The following KIF3C variants were observed in gnomAD, a reference collection of about 807,000 sequenced individuals.
The protein encoded by KIF3C is kinesin-like protein KIF3C.
KIF3C carries 12 observed loss-of-function variants against 67.7 expected under a neutral mutation model. The ratio of observed to expected loss-of-function variants is 0.18; its 90% confidence interval spans 0.11 to 0.29. The LOEUF (loss-of-function observed/expected upper bound fraction) is 0.29, where lower values mean the gene tolerates loss of function less well. Among genes scored for constraint, KIF3C ranks in the 10% least tolerant of loss-of-function variants. The probability of loss-of-function intolerance (pLI) is 1.00; values close to 1 mark genes in which losing one functional copy is unlikely to be tolerated. For synonymous variants in KIF3C, 393 were observed against 426.2 expected, an observed-to-expected ratio of 0.92 and a Z score of 0.96; for missense variants, 789 against 1,059.6, an observed-to-expected ratio of 0.74 and a Z score of 3.55.
At chr2:25,974,650 C>T (rs1217470077) in intron 1 of KIF3C, among the ~76,000 whole-genome samples, 6 of 152,142 alleles carry the variant, frequency 3.9e-5, no homozygotes, top group Non-Finnish European at 8.8e-5. Context: ...GAACATAGCA[C>T]TTCATATAAT....
rs138077647 is a variant in KIF3C, at chr2:25,981,232, C to T, written c.686G>A (p.Arg229His). 5.9e-5 allele frequency: 95 copies of T among 1,614,172 alleles called. No homozygotes were observed. The highest frequency in any genetic ancestry group is 1.3e-4 in the Admixed American group (8 of 60,024). Reference sequence around the variant, plus strand: ...GATGTGGTCCTGGCCATCAGAGCCACGTTCGCTGCACTCCACAGTGATGAT... The same window carrying T: ...GATGTGGTCCTGGCCATCAGAGCCATGTTCGCTGCACTCCACAGTGATGAT... ...IFIITVECSE[R>H]GSDGQDHIRV... is the part of the protein sequence containing the mutation. Residue 229 changes from arginine (R) to histidine (H), a missense_variant, in exon 1 of 8, where the codon CGT (arginine) becomes CAT (histidine). Around this residue, in one of 2 missense-constraint regions of KIF3C, gnomAD observed 648 missense variants for 807.8 expected, o/e 0.80. Coordinates refer to ENST00000264712, the MANE Select transcript of KIF3C (RefSeq NM_002254.8). The surrounding 1 kb of genome is among the most constrained non-coding windows in gnomAD (Gnocchi z 8.2).
chr2:25,932,761 A>G (rs1420725888), intron 5 of KIF3C, among the ~76,000 whole-genome samples: 1 of 151,834 alleles, frequency 6.6e-6, no homozygotes, highest in Non-Finnish European at 1.5e-5. Flanking sequence ...TGAACCCGGG[A>G]GGCAGAGGTT....
intron 4 of KIF3C, among the ~76,000 whole-genome samples, chr2:25,952,898 T>C (rs1400392612): frequency 6.6e-6 from 1 of 152,090 alleles, no homozygotes; most frequent in African/African-American, 2.4e-5. Flanking sequence ...TTATTGTAAC[T>C]TGAAGGATAA....
At position 25,951,760 on chromosome 2, in the gene KIF3C, C is replaced by T. The variant is rs201937965; in HGVS notation, c.2006+29G>A. ...ACCTGGAGTGGACCCACAAGTCCCC[C>T]AGCCCAGACAGCTGGGTTAGAGACT... On this transcript the variant is annotated intron_variant, in intron 5 of 7. Transcript: ENST00000264712. 1,622 of 1,521,562 alleles carry T rather than the reference C, an allele frequency of 1.1e-3. 6 individuals are homozygous for T. The African/African-American group carries it at 0.018, about 17-fold the overall frequency. 94.3% of individuals were successfully genotyped at this position (1,521,562 alleles called of 1,614,324 possible).
chr2:25,976,326 T>A (rs12105086), intron 1 of KIF3C, among the ~76,000 whole-genome samples: 20,118 of 152,106 alleles, frequency 0.13, 1,840 homozygotes, highest in African/African-American at 0.25. Flanking sequence ...CTCCAGACCT[T>A]CTTATTGGGG....
intron 1 of KIF3C, among the ~76,000 whole-genome samples, chr2:25,962,966 T>A (rs13017151): frequency 4.1e-3 from 109 of 26,808 alleles, no homozygotes; most frequent in South Asian, 9.8e-3. Context: ...ATAATATATA[T>A]AATATATAAT....
At chr2:25,945,727 G>A (rs1663415559) in intron 5 of KIF3C, among the ~76,000 whole-genome samples, 1 of 151,796 alleles carries the variant, frequency 6.6e-6, no homozygotes, top group African/African-American at 2.4e-5. Flanking sequence ...CATGGTGCCA[G>A]TGCACCGCAG....
chr2:25,962,626 C>G (rs1663976689), intron 1 of KIF3C, among the ~76,000 whole-genome samples: 2 of 148,532 alleles, frequency 1.3e-5, no homozygotes, highest in South Asian at 4.2e-4. Flanking sequence ...ATCCACCCAC[C>G]TCAGCCTCCC....
In KIF3C at chr2:25,982,450, T is replaced by C; in HGVS notation, c.-533A>G. On this transcript the variant is annotated 5_prime_UTR_variant, in exon 1 of 8. Coordinates refer to ENST00000264712, the MANE Select transcript of KIF3C (RefSeq NM_002254.8). ...CAGCCAGCGCGGCTGCTGCTGCCTC[T>C]GCCTCCGCCTTCCCCGCCGCCGCCA... is the stretch of plus-strand genomic sequence containing the variant. The C allele has an allele frequency of 2.5e-6, 1 of 398,642 alleles. No individual in the cohort carries two copies. Among genetic ancestry groups the C allele is most frequent in the Non-Finnish European group, 4.4e-6 (1 of 226,124 alleles). The allele number at this position is 398,642 out of a possible 1,614,324, so 24.7% of individuals were successfully genotyped here.
At chr2:25,962,788 A>C (rs1010589620) in intron 1 of KIF3C, among the ~76,000 whole-genome samples, 1 of 84,128 alleles carries the variant, frequency 1.2e-5, no homozygotes, top group Admixed American at 1.9e-4. Context: ...TTATATATAT[A>C]ATATATATTA....
At chr2:25,972,255 C>T (rs1007534898) in intron 1 of KIF3C, among the ~76,000 whole-genome samples, 1 of 152,108 alleles carries the variant, frequency 6.6e-6, no homozygotes, top group African/African-American at 2.4e-5. Flanking sequence ...TGATAATACC[C>T]TCCTCCAGCC....
chr2:25,962,947 ATATAATATATAAT>A (rs1464595136), intron 1 of KIF3C, among the ~76,000 whole-genome samples: 5,415 of 44,146 alleles, frequency 0.12, 735 homozygotes, highest in African/African-American at 0.24. Flanking sequence ...AATATATAAT[ATATAATATATAAT>A]ATATATAATA....
intron 5 of KIF3C, among the ~76,000 whole-genome samples, chr2:25,944,133 T>C (rs1038505444): frequency 3.3e-5 from 5 of 151,962 alleles, no homozygotes; most frequent in Non-Finnish European, 7.4e-5. Flanking sequence ...CTGCAACTTC[T>C]GTCTCCCAGG....
intron 5 of KIF3C, among the ~76,000 whole-genome samples, chr2:25,937,986 C>T (rs1351836785): frequency 2.0e-5 from 3 of 151,540 alleles, no homozygotes; most frequent in Admixed American, 6.6e-5. Flanking sequence ...ACCTGGGAGG[C>T]GGAGGTTGAG....
chr2:25,954,084 A>G (rs1663731962), intron 4 of KIF3C, 183 bp downstream of exon 4: 1 of 638,006 alleles, frequency 1.6e-6, no homozygotes, highest in Non-Finnish European at 2.8e-6. Context: ...GGTTCATCAA[A>G]TACAGGCAGA....
intron 1 of KIF3C, among the ~76,000 whole-genome samples, chr2:25,970,771 T>C (rs1180978699): frequency 1.3e-5 from 2 of 151,896 alleles, no homozygotes; most frequent in Non-Finnish European, 2.9e-5. Context: ...GTTGTTATTT[T>C]TCTGCTGGCC....
At chr2:25,954,204 G>T in intron 4 of KIF3C, 63 bp downstream of exon 4, 2 of 1,160,536 alleles carry the variant, frequency 1.7e-6, no homozygotes, top group Non-Finnish European at 2.6e-6. Flanking sequence ...CTTAGGGGAG[G>T]AGAGGCCTGA....
At chr2:25,943,415 T>C (rs563865094) in intron 5 of KIF3C, among the ~76,000 whole-genome samples, 1 of 152,292 alleles carries the variant, frequency 6.6e-6, no homozygotes, top group Non-Finnish European at 1.5e-5. Context: ...CCCCCTACTG[T>C]GCCCCACCAG....
chr2:25,954,191 G>A, intron 4 of KIF3C, 76 bp downstream of exon 4: 1 of 1,026,896 alleles, frequency 9.7e-7, no homozygotes, highest in South Asian at 1.3e-5. Context: ...GTCAGGATGA[G>A]GCCTTAGGGG....
Sources: allele counts gnomAD v4.1 joint callset (sites outside exome capture counted in the v4.1 genomes callset), GRCh38; gene constraint gnomAD v4.1.1; regional missense constraint gnomAD v4.1.1; non-coding constraint Gnocchi (gnomAD v3.1); transcripts MANE v1.5; gene names NCBI Gene and HGNC (gene_info 2026-07-23, HGNC 2026-07-21).